Variants in SEC16B observed in about 807,000 individuals in gnomAD.
SEC16B encodes the protein protein transport protein Sec16B.
A neutral mutation model predicts 141.8 loss-of-function variants in SEC16B; 115 were observed. That is an observed-to-expected ratio of 0.81 (90% CI 0.70 to 0.95). The LOEUF (loss-of-function observed/expected upper bound fraction) is 0.95. Ranked by LOEUF, SEC16B falls within the 40% of genes least tolerant of loss-of-function variation. The pLI is 0.00. For synonymous variants in SEC16B, 493 were observed against 492.5 expected (o/e 1.00, Z -0.01); for missense variants, 1,291 against 1,312.3 (o/e 0.98, Z 0.25).
intron 14 of SEC16B, chr1:177,945,964 G>A (rs1009394335): frequency 5.8e-5 from 15 of 259,348 alleles, no homozygotes; most frequent in South Asian, 7.6e-5. Flanking sequence ...TGTGCACCAA[G>A]TCATTGTAGG....
chr1:177,967,946 T>G lies in SEC16B; in HGVS notation c.36A>C (p.Thr12=), dbSNP rs768822695. The G allele has an allele frequency of 6.2e-7, 1 of 1,612,764 alleles. No homozygotes were observed. The highest frequency in any genetic ancestry group is 8.5e-7 in the Non-Finnish European group (1 of 1,178,852). Residue 12 remains threonine (T), a synonymous_variant, in exon 2 of 26, where the codon ACA becomes ACC. Transcript: ENST00000308284. ...ELWAPQRLPQ[T]RGKATAPSKD... is the part of the protein sequence containing the mutation. The stretch of plus-strand genomic sequence containing the variant: ...TTGAGGGTGCTGTGGCCTTCCCTCG[T>G]GTCTGGGGCAGCCTCTGGGGAGCCC...
chr1:177,978,506 G>A (rs1477329581), intron 1 of SEC16B, among the ~76,000 whole-genome samples: 2 of 151,960 alleles, frequency 1.3e-5, no homozygotes, highest in African/African-American at 2.4e-5. Context: ...AGAAGCTCAA[G>A]AAACCCTGGT....
intron 25 of SEC16B, 26 bp from the exon 26 acceptor site, chr1:177,929,955 C>T: frequency 6.2e-7 from 1 of 1,610,610 alleles, no homozygotes; most frequent in Non-Finnish European, 8.5e-7. Flanking sequence ...AAATATTACA[C>T]TGAGTACAGC....
intron 1 of SEC16B, among the ~76,000 whole-genome samples, chr1:177,979,320 G>A (rs1025948414): frequency 6.6e-6 from 1 of 152,172 alleles, no homozygotes; most frequent in Non-Finnish European, 1.5e-5. Flanking sequence ...TCTGACAAAT[G>A]GGACAAGTTC....
chr1:177,953,436 C>T (rs1652357689), intron 11 of SEC16B, among the ~76,000 whole-genome samples: 1 of 152,222 alleles, frequency 6.6e-6, no homozygotes, highest in South Asian at 2.1e-4. Flanking sequence ...TAGCATCTTT[C>T]TTGCTGTCTG....
Position 177,948,600 on chromosome 1 carries a change from CA to C in SEC16B, c.1546-659del, listed in dbSNP as rs1022991899. On this transcript the variant is annotated intron_variant, in intron 12 of 25. Transcript: ENST00000308284. ...GGTGGAAATGTACAAAGCCCCGCATCAATGGTGTTTTCCCCACAATCTCTCC... is the reference window on the plus strand; with the variant it reads ...GGTGGAAATGTACAAAGCCCCGCATCATGGTGTTTTCCCCACAATCTCTCC... 10 of 1,303,894 alleles carry C rather than the reference CA, an allele frequency of 7.7e-6. No individual in the cohort carries two copies. In the Admixed American group the frequency reaches 1.6e-4, roughly 21 times the overall value. 80.8% of individuals were successfully genotyped at this position (1,303,894 alleles called of 1,614,324 possible).
chr1:177,940,450 C>T (rs1485370530), intron 17 of SEC16B, among the ~76,000 whole-genome samples, 160 bp downstream of exon 17: 3 of 152,102 alleles, frequency 2.0e-5, no homozygotes, highest in East Asian at 1.9e-4. Context: ...CCACCCCTTG[C>T]GCAGACACCA....
chr1:177,930,669 C>T, intron 24 of SEC16B, 26 bp from the exon 25 acceptor site: 1 of 1,541,776 alleles, frequency 6.5e-7, no homozygotes, highest in Non-Finnish European at 9.0e-7. Flanking sequence ...ATGGAAAATC[C>T]CATCAGTGCC....
intron 20 of SEC16B, among the ~76,000 whole-genome samples, chr1:177,935,326 A>G (rs531468): frequency 0.92 from 139,308 of 152,174 alleles, 63,864 homozygotes; most frequent in East Asian, 0.99. Context: ...TGAATATTTC[A>G]AATAAATGAA....
chr1:177,951,663 G>C (rs555965352), intron 12 of SEC16B, among the ~76,000 whole-genome samples: 2 of 152,292 alleles, frequency 1.3e-5, no homozygotes, highest in Admixed American at 6.5e-5. Context: ...CTCTGATCTT[G>C]GGTCATCTTA....
chr1:177,933,159 G>A lies in SEC16B; in HGVS notation c.2823+55C>T. 3.5e-6 allele frequency: 5 copies of A among 1,411,628 alleles called. No individual in the cohort carries two copies. The South Asian group carries it at 6.3e-5, about 18-fold the overall frequency. 87.4% of individuals were successfully genotyped at this position (1,411,628 alleles called of 1,614,324 possible). On this transcript the variant is annotated intron_variant, in intron 22 of 25. Transcript: ENST00000308284. Reference sequence around the variant, plus strand: ...CTGAGAGCTCCTAGGTGCTGAGGCAGCTCCCTCTGAAAGACCCACAGAGAG... The same window carrying A: ...CTGAGAGCTCCTAGGTGCTGAGGCAACTCCCTCTGAAAGACCCACAGAGAG...
At chr1:177,980,890 C>T (rs776641671) in intron 1 of SEC16B, among the ~76,000 whole-genome samples, 9 of 151,940 alleles carry the variant, frequency 5.9e-5, no homozygotes, top group African/African-American at 1.2e-4. Flanking sequence ...CTGGGCAGAA[C>T]AGACATGATG....
In SEC16B at chr1:177,959,172, T is replaced by G. The variant is rs1201356146; in HGVS notation, c.999-197A>C. 3.6e-5 allele frequency: 23 copies of G among 641,228 alleles called. No individual in the cohort carries two copies. The East Asian group carries it at 6.5e-4, about 18-fold the overall frequency. The allele number at this position is 641,228 out of a possible 1,614,324, so 39.7% of individuals were successfully genotyped here. ...TAGAACAAGAAGAAATTTCAGAGAT[T>G]CTCTCATGCACCCCCTTTATAGATG... On this transcript the variant is annotated intron_variant, in intron 8 of 25. Coordinates refer to ENST00000308284, the MANE Select transcript of SEC16B (RefSeq NM_033127.4).
chr1:177,970,105 G>C (rs555192640), upstream of SEC16B: 1 of 152,450 alleles, frequency 6.6e-6, no homozygotes, highest in African/African-American at 2.4e-5. Context: ...CCCAGGACCC[G>C]CCTGACTTGA....
intron 2 of SEC16B, among the ~76,000 whole-genome samples, chr1:177,967,116 GA>G (rs1244646315): frequency 2.0e-5 from 3 of 152,064 alleles, no homozygotes; most frequent in Non-Finnish European, 2.9e-5. Context: ...TCCGAACTTG[GA>G]GCCTGCAGGT....
At chr1:177,969,855 G>A (rs909250144) in intron 1 of SEC16B, 29 bp downstream of exon 1, 3 of 152,162 alleles carry the variant, frequency 2.0e-5, no homozygotes, top group South Asian at 2.1e-4. Flanking sequence ...TCAAAGAGGG[G>A]AAAGAAGGGA....
Position 177,967,949 on chromosome 1 carries a change from C to A in SEC16B, c.33G>T (p.Gln11His), listed in dbSNP as rs774682958. The part of the protein sequence containing the change: MELWAPQRLP[Q>H]TRGKATAPSK... The stretch of plus-strand genomic sequence containing the variant: ...AGGGTGCTGTGGCCTTCCCTCGTGT[C>A]TGGGGCAGCCTCTGGGGAGCCCAAA... The change falls in exon 2 of 26, where the codon CAG (glutamine) becomes CAT (histidine). Residue 11 changes from glutamine to histidine, a missense_variant. By Grantham distance (24) the Gln-to-His change is conservative. Coordinates refer to ENST00000308284, the MANE Select transcript of SEC16B (RefSeq NM_033127.4). 89 of 1,611,854 alleles carry A rather than the reference C, an allele frequency of 5.5e-5. No individual in the cohort carries two copies. The South Asian group carries it at 7.9e-4, about 14-fold the overall frequency.
chr1:177,936,469 G>C (rs1650851759), intron 19 of SEC16B, 104 bp from the exon 20 acceptor site: 8 of 984,746 alleles, frequency 8.1e-6, no homozygotes, highest in Non-Finnish European at 1.3e-5. Flanking sequence ...AACTGCAGCA[G>C]AAGCTCGGAG....
At chr1:177,948,506 A>T in intron 12 of SEC16B, 8 of 1,304,288 alleles carry the variant, frequency 6.1e-6, no homozygotes, top group Non-Finnish European at 8.1e-6. Context: ...AAATCAAGCC[A>T]AGTGGCCCAG....
Sources: gnomAD v4.1 joint callset for allele counts (sites outside exome capture counted in the v4.1 genomes callset) on GRCh38, gnomAD v4.1.1 for gene constraint, MANE v1.5 for transcripts, NCBI Gene and HGNC (gene_info 2026-07-23, HGNC 2026-07-21) for gene names.